MRTFB: variants seen among roughly 807,000 people sequenced by gnomAD.
MRTFB encodes the protein myocardin-related transcription factor B.
In MRTFB, 29 loss-of-function variants were observed where a neutral mutation model predicts 104.2. The observed-to-expected ratio is 0.28, with a 90% confidence interval of 0.21 to 0.38. MRTFB has a LOEUF of 0.38. Among genes scored for constraint, MRTFB ranks in the 10% least tolerant of loss-of-function variants. The pLI is 1.00. For synonymous variants in MRTFB, 535 were observed against 519.5 expected (o/e 1.03, Z -0.41); for missense variants, 1,270 against 1,341.6 (o/e 0.95, Z 0.83).
Position 14,246,972 on chromosome 16 carries a change from A to T in MRTFB, c.1712A>T (p.Asp571Val). 1 of 1,614,152 alleles carries T rather than the reference A, an allele frequency of 6.2e-7. No homozygotes were observed. Among genetic ancestry groups the T allele is most frequent in the Non-Finnish European group, 8.5e-7 (1 of 1,180,046 alleles). Reference protein sequence around the residue: ...SNLELDAAEKDRKLQEKEKQI... With the variant: ...SNLELDAAEKVRKLQEKEKQI... Reference sequence around the variant, plus strand: ...CTGGAACTGGATGCAGCCGAAAAGGATCGCAAGCTTCAGGAGAAAGAGAAG... The same window carrying T: ...CTGGAACTGGATGCAGCCGAAAAGGTTCGCAAGCTTCAGGAGAAAGAGAAG... Residue 571 changes from aspartate (D) to valine (V), a missense_variant, in exon 12 of 17, where the codon GAT becomes GTT. By Grantham distance (152) the Asp-to-Val change is radical. Around this residue, in one of 3 missense-constraint regions of MRTFB, gnomAD observed 1,144 missense variants for 1,131.5 expected, o/e 1.01. Transcript: ENST00000571589.
At chr16:14,200,542 T>C (rs1484922979) in intron 3 of MRTFB, 4 of 1,607,452 alleles carry the variant, frequency 2.5e-6, no homozygotes, top group Non-Finnish European at 2.6e-6. Flanking sequence ...GCAGCTTTAT[T>C]ACCTGTATGG....
intron 2 of MRTFB, among the ~76,000 whole-genome samples, chr16:14,097,691 A>G (rs187330737): frequency 4.6e-5 from 7 of 152,196 alleles, no homozygotes; most frequent in Admixed American, 3.9e-4. Context: ...CATATCCATC[A>G]CCCCCCAAAA....
intron 3 of MRTFB, among the ~76,000 whole-genome samples, chr16:14,183,596 T>G (rs145810459): frequency 3.9e-5 from 6 of 152,296 alleles, no homozygotes; most frequent in Admixed American, 6.5e-5. Context: ...ATTATTATAT[T>G]TTGGTTCTGT....
At chr16:14,031,474 C>T in the MRTFB span, among the ~76,000 whole-genome samples, 133,603 of 152,128 alleles carry the variant, frequency 0.88, 58,805 homozygotes, top group Non-Finnish European at 0.9. Flanking sequence ...TATCTTACTA[C>T]GTACTAGAAA....
At chr16:14,157,128 A>G (rs926128978) in intron 3 of MRTFB, among the ~76,000 whole-genome samples, 1 of 152,210 alleles carries the variant, frequency 6.6e-6, no homozygotes, top group African/African-American at 2.4e-5. Flanking sequence ...GAAGGTAGAA[A>G]TCTTTTTTAA....
intron 2 of MRTFB, among the ~76,000 whole-genome samples, chr16:14,117,180 A>C (rs552953299): frequency 6.6e-6 from 1 of 152,238 alleles, no homozygotes; most frequent in African/African-American, 2.4e-5. Flanking sequence ...CAGGCCACAG[A>C]ATCTCCTGAT....
At position 14,256,880 on chromosome 16, in the gene MRTFB, AAGAT is replaced by A. The variant is rs200750215; in HGVS notation, c.2704-1217_2704-1214del. Among the ~76,000 whole-genome samples, 1,491 of 152,366 alleles carry A rather than the reference AAGAT, an allele frequency of 9.8e-3. 8 individuals carry two copies. Among genetic ancestry groups the A allele is most frequent in the Non-Finnish European group, 0.015 (1,035 of 68,032 alleles). On this transcript the variant is annotated intron_variant, in intron 15 of 16. Transcript: ENST00000571589. ...ACCACTGAAAGTAAATGGCTGGAAAAAGATAGACCATGCAAACAGACAGCAGAAG... is the reference window on the plus strand; with the variant it reads ...ACCACTGAAAGTAAATGGCTGGAAAAAGACCATGCAAACAGACAGCAGAAG...
intron 3 of MRTFB, among the ~76,000 whole-genome samples, chr16:14,201,218 T>C (rs1463640284): frequency 6.6e-6 from 1 of 152,238 alleles, no homozygotes; most frequent in Admixed American, 6.5e-5. Context: ...GGTGTAGGTA[T>C]GCACATTCCA....
intron 2 of MRTFB, among the ~76,000 whole-genome samples, chr16:14,118,489 T>G (rs2036662073): frequency 6.6e-6 from 1 of 151,666 alleles, no homozygotes; most frequent in South Asian, 2.1e-4. Context: ...AAGTGTGTGT[T>G]TGTATCTCCC....
At chr16:14,131,672 T>G (rs1053596324) in intron 2 of MRTFB, among the ~76,000 whole-genome samples, 2 of 151,596 alleles carry the variant, frequency 1.3e-5, no homozygotes, top group Non-Finnish European at 2.9e-5. Context: ...GATATATAAA[T>G]GGCCAATAAA....
chr16:13,997,397 T>C, the MRTFB span, among the ~76,000 whole-genome samples: 14 of 152,154 alleles, frequency 9.2e-5, no homozygotes, highest in Non-Finnish European at 1.8e-4. Flanking sequence ...AAAATACTAT[T>C]GTATTTTGTC....
chr16:14,176,496 C>T (rs76073644), intron 3 of MRTFB, among the ~76,000 whole-genome samples: 1 of 152,140 alleles, frequency 6.6e-6, no homozygotes, highest in Non-Finnish European at 1.5e-5. Context: ...TCAGTTCTCC[C>T]AAGAATGACA....
At chr16:14,248,723 T>C in intron 12 of MRTFB, 1 of 516,990 alleles carries the variant, frequency 1.9e-6, no homozygotes, top group South Asian at 2.7e-5. Context: ...AATAAGAGCA[T>C]GCAGTGACTG....
chr16:14,236,434 G>T (rs2042513511), intron 9 of MRTFB, among the ~76,000 whole-genome samples: 1 of 152,200 alleles, frequency 6.6e-6, no homozygotes, highest in Admixed American at 6.5e-5. Context: ...ACTAGGAATA[G>T]ATAAAGCAAG....
chr16:14,117,682 G>C (rs1169845779), intron 2 of MRTFB, among the ~76,000 whole-genome samples: 1 of 152,160 alleles, frequency 6.6e-6, no homozygotes, highest in Non-Finnish European at 1.5e-5. Context: ...AGGAGATGGT[G>C]CCAACTGCAG....
intron 3 of MRTFB, among the ~76,000 whole-genome samples, chr16:14,153,594 A>G (rs2038717122): frequency 6.6e-6 from 1 of 152,234 alleles, no homozygotes; most frequent in Non-Finnish European, 1.5e-5. Flanking sequence ...GATTTTCTAG[A>G]TAATGGAATT....
chr16:14,179,411 A>G (rs929290418), intron 3 of MRTFB, among the ~76,000 whole-genome samples: 11 of 152,204 alleles, frequency 7.2e-5, no homozygotes, highest in African/African-American at 2.7e-4. Flanking sequence ...CTGTGTGGCA[A>G]CACTTTATAA....
chr16:14,024,161 C>T, the MRTFB span, among the ~76,000 whole-genome samples: 3 of 152,062 alleles, frequency 2.0e-5, no homozygotes, highest in African/African-American at 7.2e-5. Context: ...TGTTCACAGC[C>T]CTTCTTACCA....
chr16:14,043,855 G>A, the MRTFB span, among the ~76,000 whole-genome samples: 3 of 152,200 alleles, frequency 2.0e-5, no homozygotes, highest in South Asian at 2.1e-4. Flanking sequence ...GAAATGAGAC[G>A]TAATCTTGCC....
Sources: gnomAD v4.1 joint callset for allele counts (sites outside exome capture counted in the v4.1 genomes callset) on GRCh38, gnomAD v4.1.1 for gene constraint, gnomAD v4.1.1 regional missense constraint, MANE v1.5 for transcripts, NCBI Gene and HGNC (gene_info 2026-07-23, HGNC 2026-07-21) for gene names.